The following GRK7 variants were observed in gnomAD, a reference collection of about 807,000 sequenced individuals.
GRK7 encodes G protein-coupled receptor kinase 7, also known as rhodopsin kinase GRK7.
A neutral mutation model predicts 34.1 loss-of-function variants in GRK7; 24 were observed. That is an observed-to-expected ratio of 0.70 (90% confidence interval 0.51 to 0.99). The LOEUF (loss-of-function observed/expected upper bound fraction) is 0.99, where lower values mean the gene tolerates loss of function less well. Among genes scored for constraint, GRK7 ranks in the 50% least tolerant of loss-of-function variants. The pLI is 0.00. For missense variants in GRK7, 644 were observed against 707.3 expected, an observed-to-expected ratio of 0.91 and a Z score of 1.02; for synonymous variants, 256 against 279.4, an observed-to-expected ratio of 0.92 and a Z score of 0.84.
Position 141,778,788 on chromosome 3 carries a change from C to T in GRK7, c.504C>T (p.Thr168=). Residue 168 remains threonine, a synonymous_variant, in exon 3 of 6, where the codon ACC becomes ACT. Coordinates refer to ENST00000682958, the MANE Select transcript of GRK7 (RefSeq NM_139209.3). The surrounding 1 kb of genome is among the most constrained non-coding windows in gnomAD (Gnocchi z 4.1). ...LQEQPFKDFV[T]SAFYDKFLQW... is the part of the protein sequence containing the mutation. The stretch of plus-strand genomic sequence containing the variant: ...AGCAGCCCTTTAAGGATTTCGTGAC[C>T]AGCGCCTTCTACGACAAGTTTCTGC... 5 of 1,607,920 alleles carry T rather than the reference C, an allele frequency of 3.1e-6. No individual in the cohort carries two copies. The highest frequency in any genetic ancestry group is 4.2e-6 in the Non-Finnish European group (5 of 1,177,560).
At position 141,818,653 on chromosome 3, in the gene GRK7, C is replaced by A. The variant is rs1711179224; in HGVS notation, c.*1603C>A. Among the ~76,000 whole-genome samples the A allele has an allele frequency of 6.6e-6, 1 of 152,016 alleles. No individual in the cohort carries two copies. The highest frequency in any genetic ancestry group is 2.1e-4 in the South Asian group (1 of 4,820). On this transcript the variant is annotated 3_prime_UTR_variant, in exon 6 of 6. Transcript: ENST00000682958. ...CAGCTGCGAAAAAATATTTGGGATA[C>A]AAATATAAAGCTGAGTGATATTTTT...
At chr3:141,779,019 T>G in intron 3 of GRK7, 123 bp downstream of exon 3, 1 of 954,064 alleles carries the variant, frequency 1.0e-6, no homozygotes, top group Non-Finnish European at 1.6e-6. Flanking sequence ...TGTGGAGGAT[T>G]TCTAGCCCCG....
At chr3:141,796,994 G>A (rs1200643671) in intron 4 of GRK7, among the ~76,000 whole-genome samples, 1 of 152,228 alleles carries the variant, frequency 6.6e-6, no homozygotes, top group Non-Finnish European at 1.5e-5. Context: ...GGCAAGAACT[G>A]TTGAGGCTCA....
At position 141,778,806 on chromosome 3, in the gene GRK7, G is replaced by A. The variant is rs1559840517; in HGVS notation, c.522G>A (p.Lys174=). The A allele has an allele frequency of 6.2e-7, 1 of 1,610,428 alleles. No homozygotes were observed. Among genetic ancestry groups the A allele is most frequent in the Non-Finnish European group, 8.5e-7 (1 of 1,178,446 alleles). The change falls in exon 3 of 6, where the codon AAG becomes AAA. Residue 174 remains lysine, a synonymous_variant. Transcript: ENST00000682958. The surrounding 1 kb of genome is among the most constrained non-coding windows in gnomAD (Gnocchi z 4.1). ...KDFVTSAFYD[K]FLQWKLFEMQ... ...TCGTGACCAGCGCCTTCTACGACAA[G>A]TTTCTGCAGTGGAAACTCTTCGAGA... is the stretch of plus-strand genomic sequence containing the variant.
rs1371895457 is a variant in GRK7 at position 141,778,810 on chromosome 3, C to T, written c.526C>T (p.Leu176=). 6 of 1,610,760 alleles carry T rather than the reference C, an allele frequency of 3.7e-6. No individual in the cohort carries two copies. The Middle Eastern group carries it at 9.9e-4, about 267-fold the overall frequency. The change falls in exon 3 of 6, where the codon CTG becomes TTG. Residue 176 remains leucine (L), a synonymous_variant. Transcript: ENST00000682958. This position sits in a 1 kb window ranked among gnomAD's most constrained non-coding sequence, Gnocchi z 4.1. ...FVTSAFYDKF[L]QWKLFEMQPV... The stretch of plus-strand genomic sequence containing the variant: ...GACCAGCGCCTTCTACGACAAGTTT[C>T]TGCAGTGGAAACTCTTCGAGATGCA...
intron 4 of GRK7, among the ~76,000 whole-genome samples, chr3:141,803,036 C>T (rs1328179203): frequency 1.3e-5 from 2 of 152,132 alleles, no homozygotes; most frequent in Non-Finnish European, 1.5e-5. Flanking sequence ...AAGAATTTCA[C>T]ACGAGCACCT....
At chr3:141,751,542 A>C in the GRK7 span, among the ~76,000 whole-genome samples, 2 of 152,310 alleles carry the variant, frequency 1.3e-5, no homozygotes, top group African/African-American at 4.8e-5. Flanking sequence ...ACCATTTCTC[A>C]TGTGGATTAT....
intron 4 of GRK7, among the ~76,000 whole-genome samples, chr3:141,790,319 A>G (rs2084718314): frequency 6.6e-6 from 1 of 151,966 alleles, no homozygotes; most frequent in African/African-American, 2.4e-5. Flanking sequence ...TTTTAATGCT[A>G]TAAAAGGCTT....
intron 5 of GRK7, among the ~76,000 whole-genome samples, chr3:141,814,575 C>T (rs975379415): frequency 3.3e-5 from 5 of 152,178 alleles, no homozygotes; most frequent in Non-Finnish European, 7.3e-5. Flanking sequence ...TTTATGGCTG[C>T]ATATTATTCC....
At chr3:141,757,129 C>CTTTTTTTTTTTTTTTTTCTTT in the GRK7 span, among the ~76,000 whole-genome samples, 9 of 101,350 alleles carry the variant, frequency 8.9e-5, no homozygotes, top group African/African-American at 1.2e-4. Flanking sequence ...AGATCTTCTT[C>CTTTTTTTTTTTTTTTTTCTTT]TTTTTTTTTT....
intron 1 of GRK7, among the ~76,000 whole-genome samples, chr3:141,772,430 C>T (rs958563487): frequency 6.6e-6 from 1 of 152,178 alleles, no homozygotes; most frequent in African/African-American, 2.4e-5. Context: ...TAGTCTGCTT[C>T]AGAACTTACA....
At chr3:141,762,426 C>T (rs918859666), upstream of GRK7, among the ~76,000 whole-genome samples, 3 of 147,142 alleles carry the variant, frequency 2.0e-5, no homozygotes, top group South Asian at 4.7e-4. Flanking sequence ...TTAGGCTGCT[C>T]GGGGGTCAGG....
intron 4 of GRK7, among the ~76,000 whole-genome samples, chr3:141,786,504 G>A (rs79358164): frequency 0.052 from 7,891 of 152,230 alleles, 273 homozygotes; most frequent in Middle Eastern, 0.095. Context: ...GTAGCAGGGT[G>A]CTGTGGCTCA....
At position 141,773,135 on chromosome 3, in the gene GRK7, CAAA is replaced by C. The variant is rs11325742; in HGVS notation, c.-214-1430_-214-1428del. 7.6e-4 allele frequency among the ~76,000 whole-genome samples: 86 copies of C among 113,178 alleles called. 1 individual carries two copies. The highest frequency in any genetic ancestry group is 1.5e-3 in the African/African-American group (49 of 32,720). The allele number at this position is 113,178 out of a possible 152,430, so 74.2% of individuals were successfully genotyped here. On this transcript the variant is annotated intron_variant, in intron 1 of 5. Transcript: ENST00000682958. ...TGGCCAACAGAGCGAGACTTTGTCTCAAAAAAAAAAAAAAAAAGTTGAAAAAAT... is the reference window on the plus strand; with the variant it reads ...TGGCCAACAGAGCGAGACTTTGTCTCAAAAAAAAAAAAAAGTTGAAAAAAT...
At chr3:141,750,764 CTTTT>C in the GRK7 span, among the ~76,000 whole-genome samples, 5 of 143,190 alleles carry the variant, frequency 3.5e-5, no homozygotes, top group Admixed American at 1.4e-4. Context: ...GGTTTATAAC[CTTTT>C]TTTTTTTTTT....
intron 4 of GRK7, among the ~76,000 whole-genome samples, chr3:141,803,238 C>T (rs111915895): frequency 0.059 from 8,604 of 145,022 alleles, 852 homozygotes; most frequent in African/African-American, 0.21. Context: ...ACCAGCCTGG[C>T]CAACATGGTG....
Position 141,763,869 on chromosome 3 carries a change from T to C in GRK7, c.-2084T>C, listed in dbSNP as rs1351885429. The stretch of plus-strand genomic sequence containing the variant: ...ACAAAATTTCCTCCGTCCTCTTCCC[T>C]TCCCTACAAATTCCCTCCATTTTGT... On this transcript the variant is annotated 5_prime_UTR_variant, in exon 1 of 6. Coordinates refer to ENST00000682958, the MANE Select transcript of GRK7 (RefSeq NM_139209.3). 1.3e-5 allele frequency among the ~76,000 whole-genome samples: 2 copies of C among 152,162 alleles called. No individual in the cohort carries two copies. Among genetic ancestry groups the C allele is most frequent in the Non-Finnish European group, 2.9e-5 (2 of 68,032 alleles).
chr3:141,793,269 G>A (rs1052603338), intron 4 of GRK7, among the ~76,000 whole-genome samples: 2 of 152,174 alleles, frequency 1.3e-5, no homozygotes, highest in Non-Finnish European at 2.9e-5. Context: ...ACTTGCCACT[G>A]GCATTCAAAG....
chr3:141,816,868 G>C lies in GRK7; in HGVS notation c.1480G>C (p.Gly494Arg). ...AATTGATGATTTCTCTGAGGTTCGG[G>C]GGGTGGAATTTGATGACAAAGATAA... is the stretch of plus-strand genomic sequence containing the variant. ...AEIDDFSEVR[G>R]VEFDDKDKQF... The change falls in exon 6 of 6, where the codon GGG becomes CGG. Residue 494 changes from glycine to arginine, a missense_variant. Transcript: ENST00000682958. 6.2e-7 allele frequency: 1 copy of C among 1,614,108 alleles called. No homozygotes were observed. Among genetic ancestry groups the C allele is most frequent in the Non-Finnish European group, 8.5e-7 (1 of 1,180,006 alleles).
Sources: allele counts gnomAD v4.1 joint callset (sites outside exome capture counted in the v4.1 genomes callset), GRCh38; gene constraint gnomAD v4.1.1; non-coding constraint Gnocchi (gnomAD v3.1); transcripts MANE v1.5; gene names NCBI Gene and HGNC (gene_info 2026-07-23, HGNC 2026-07-21).